The following MAN1A2 variants were observed in gnomAD, a reference collection of about 807,000 sequenced individuals.
MAN1A2 encodes mannosidase alpha class 1A member 2.
A neutral mutation model predicts 75.7 loss-of-function variants in MAN1A2; 26 were observed. That is an observed-to-expected ratio of 0.34 (90% CI 0.25 to 0.48). MAN1A2 has a LOEUF of 0.48. Among genes scored for constraint, MAN1A2 ranks in the 20% least tolerant of loss-of-function variants. MAN1A2 has a pLI of 0.99. For missense variants in MAN1A2, 562 were observed against 775.5 expected, an observed-to-expected ratio of 0.72 and a Z score of 3.27; for synonymous variants, 247 against 264.6, an observed-to-expected ratio of 0.93 and a Z score of 0.65.
intron 3 of MAN1A2, among the ~76,000 whole-genome samples, chr1:117,412,508 T>C (rs1296781767): frequency 1.3e-5 from 2 of 151,634 alleles, no homozygotes; most frequent in African/African-American, 2.4e-5. Flanking sequence ...TTTTTCTCAT[T>C]CTTCTATTAT....
chr1:117,390,203 A>G (rs1653671283), intron 1 of MAN1A2, among the ~76,000 whole-genome samples: 1 of 152,106 alleles, frequency 6.6e-6, no homozygotes, highest in African/African-American at 2.4e-5. Flanking sequence ...TTTCCATAGA[A>G]CTGGTATTGA....
intron 1 of MAN1A2, among the ~76,000 whole-genome samples, chr1:117,376,037 G>A (rs563910834): frequency 1.5e-4 from 22 of 151,408 alleles, no homozygotes; most frequent in African/African-American, 5.1e-4. Flanking sequence ...TCAGCCGCCC[G>A]AGTAGCTGGT....
intron 12 of MAN1A2, 122 bp from the exon 13 acceptor site, chr1:117,522,703 T>C: frequency 3.7e-6 from 3 of 802,826 alleles, no homozygotes; most frequent in Non-Finnish European, 6.1e-6. Context: ...TTTATTTCTT[T>C]GATGTTTTTC....
chr1:117,498,841 C>T (rs1651111304), intron 10 of MAN1A2, among the ~76,000 whole-genome samples: 2 of 151,746 alleles, frequency 1.3e-5, no homozygotes, highest in Admixed American at 1.3e-4. Flanking sequence ...TTTTGGCCAC[C>T]ATATTTTAAA....
intron 5 of MAN1A2, among the ~76,000 whole-genome samples, chr1:117,439,854 A>G (rs1648973377): frequency 6.6e-6 from 1 of 152,174 alleles, no homozygotes; most frequent in African/African-American, 2.4e-5. Context: ...TGAAAAAGCC[A>G]CTCATAAATT....
rs530927036 is a variant in MAN1A2 at position 117,429,977 on chromosome 1, G to A, written c.855+9328G>A. ...CTCCAGACGGGGCGGCTGGCCGGGC[G>A]GAGGGCTGACCCCCCCACCTCCCTC... On this transcript the variant is annotated intron_variant, in intron 5 of 12. Transcript: ENST00000356554. Among the ~76,000 whole-genome samples, 22 of 68,906 alleles carry A rather than the reference G, an allele frequency of 3.2e-4. No individual in the cohort carries two copies. In the East Asian group the frequency reaches 6.9e-3, roughly 22 times the overall value. The allele number at this position is 68,906 out of a possible 152,430, so 45.2% of individuals were successfully genotyped here. A position where few individuals can be genotyped will look rare whatever the true frequency, so the allele number is the denominator to read the frequency against.
chr1:117,493,095 C>G (rs934270634), intron 8 of MAN1A2, 52 bp from the exon 9 acceptor site: 2 of 951,966 alleles, frequency 2.1e-6, no homozygotes, highest in Admixed American at 1.8e-5. Context: ...CTTTATTTGT[C>G]TTGTCTTCCC....
Position 117,526,084 on chromosome 1 carries a change from T to C in MAN1A2, c.*3127T>C, listed in dbSNP as rs916775930. The C allele has an allele frequency of 4.6e-5, 7 of 151,844 alleles. No homozygotes were observed. Among genetic ancestry groups the C allele is most frequent in the Non-Finnish European group, 8.8e-5 (6 of 67,820 alleles). 9.4% of individuals were successfully genotyped at this position (151,844 alleles called of 1,614,324 possible). On this transcript the variant is annotated 3_prime_UTR_variant, in exon 13 of 13. Coordinates refer to ENST00000356554, the MANE Select transcript of MAN1A2 (RefSeq NM_006699.5). ...ATCCTCTCATCTTCTCCACTCTCCA[T>C]TGCCAAAGTCTTTGTCAAAACTCCA...
chr1:117,519,767 C>T (rs1243066070), intron 12 of MAN1A2, among the ~76,000 whole-genome samples: 1 of 151,972 alleles, frequency 6.6e-6, no homozygotes, highest in Non-Finnish European at 1.5e-5. Context: ...AGAATTGGTA[C>T]CAATCCTTTT....
At chr1:117,518,735 A>G (rs998041122) in intron 12 of MAN1A2, among the ~76,000 whole-genome samples, 1 of 152,030 alleles carries the variant, frequency 6.6e-6, no homozygotes, top group Admixed American at 6.6e-5. Flanking sequence ...CACAACAATA[A>G]TGGAGGACTT....
At chr1:117,449,051 G>T (rs2153255) in intron 6 of MAN1A2, among the ~76,000 whole-genome samples, 25,172 of 151,646 alleles carry the variant, frequency 0.17, 2,560 homozygotes, top group African/African-American at 0.26. Context: ...TTACTCTAGG[G>T]CACCATGAGC....
intron 6 of MAN1A2, among the ~76,000 whole-genome samples, chr1:117,457,147 A>T (rs1158972655): frequency 6.6e-6 from 1 of 152,146 alleles, no homozygotes; most frequent in Admixed American, 6.5e-5. Flanking sequence ...AAAACAATTT[A>T]ATATGATTGT....
chr1:117,476,167 TGA>T (rs1650306550), intron 8 of MAN1A2, among the ~76,000 whole-genome samples: 1 of 152,196 alleles, frequency 6.6e-6, no homozygotes, highest in Non-Finnish European at 1.5e-5. Flanking sequence ...TGTCTTCTTT[TGA>T]GAGGTGTCTG....
chr1:117,495,691 T>TCTTGTCATTTCTAAAG (rs1651018004), intron 9 of MAN1A2, among the ~76,000 whole-genome samples: 1 of 151,822 alleles, frequency 6.6e-6, no homozygotes, highest in African/African-American at 2.4e-5. Flanking sequence ...ATGACAAACA[T>TCTTGTCATTTCTAAAG]ATGGATACCA....
At chr1:117,392,958 A>G (rs1653778746) in intron 1 of MAN1A2, among the ~76,000 whole-genome samples, 1 of 152,232 alleles carries the variant, frequency 6.6e-6, no homozygotes, top group Non-Finnish European at 1.5e-5. Flanking sequence ...CATGTGGCCA[A>G]CCAATTCATA....
chr1:117,380,389 T>C (rs1413706605), intron 1 of MAN1A2, among the ~76,000 whole-genome samples: 2 of 152,204 alleles, frequency 1.3e-5, no homozygotes, highest in Non-Finnish European at 2.9e-5. Context: ...CTGTTTTCTT[T>C]TGTTGCTTGT....
intron 6 of MAN1A2, among the ~76,000 whole-genome samples, chr1:117,455,920 G>T (rs1158808234): frequency 6.6e-6 from 1 of 151,808 alleles, no homozygotes; most frequent in East Asian, 1.9e-4. Flanking sequence ...AATTAAAGCT[G>T]TTATATTCAT....
chr1:117,373,827 A>G (rs1653053538), intron 1 of MAN1A2, among the ~76,000 whole-genome samples: 1 of 152,146 alleles, frequency 6.6e-6, no homozygotes, highest in African/African-American at 2.4e-5. Context: ...ATACTTTCAA[A>G]TTGGAGCTCA....
chr1:117,454,510 A>G (rs1649519653), intron 6 of MAN1A2, among the ~76,000 whole-genome samples: 2 of 152,232 alleles, frequency 1.3e-5, no homozygotes, highest in Admixed American at 1.3e-4. Flanking sequence ...CAAATTCTAT[A>G]GCCACTGAAA....
Sources: allele counts gnomAD v4.1 joint callset (sites outside exome capture counted in the v4.1 genomes callset), GRCh38; gene constraint gnomAD v4.1.1; transcripts MANE v1.5; gene names NCBI Gene and HGNC (gene_info 2026-07-23, HGNC 2026-07-21).